Variants in FLOT1 observed in about 807,000 individuals in gnomAD.
FLOT1 encodes the protein flotillin 1.
FLOT1 carries 40 observed loss-of-function variants against 58.4 expected under a neutral mutation model. The observed-to-expected ratio is 0.69, with a 90% confidence interval of 0.53 to 0.89. The LOEUF (loss-of-function observed/expected upper bound fraction) is 0.89. Among genes scored for constraint, FLOT1 ranks in the 40% least tolerant of loss-of-function variants. The pLI, the probability that FLOT1 is intolerant of heterozygous loss-of-function variation, is 0.00. For synonymous variants in FLOT1, 178 were observed against 204.2 expected (o/e 0.87, Z 1.09); for missense variants, 423 against 540.8 (o/e 0.78, Z 2.16).
intron 8 of FLOT1, among the ~76,000 whole-genome samples, chr6:30,734,901 G>A (rs1297828907): frequency 6.6e-6 from 1 of 152,020 alleles, no homozygotes; most frequent in Admixed American, 6.6e-5. Context: ...TAGTAGAGAC[G>A]GGGTTTCACC....
rs945416342 is a variant in FLOT1 at position 30,742,329 on chromosome 6, C to T, written c.-14-126G>A. The T allele has an allele frequency of 1.8e-5, 14 of 770,430 alleles. No individual in the cohort carries two copies. The highest frequency in any genetic ancestry group is 2.9e-5 in the Non-Finnish European group (13 of 441,472). The allele number at this position is 770,430 out of a possible 1,614,324, so 47.7% of individuals were successfully genotyped here. A position where few individuals can be genotyped will look rare whatever the true frequency, so the allele number is the denominator to read the frequency against. ...CATCCGCCACGGCCCGTCCCTTCTA[C>T]ACCCATGGGTCCGCTAAGGCTTTTC... On this transcript the variant is annotated intron_variant, in intron 1 of 12. Coordinates refer to ENST00000376389, the MANE Select transcript of FLOT1 (RefSeq NM_005803.4). This position sits in a 1 kb window ranked among gnomAD's most constrained non-coding sequence, Gnocchi z 5.2.
intron 8 of FLOT1, among the ~76,000 whole-genome samples, chr6:30,733,324 C>T (rs1005775929): frequency 6.6e-6 from 1 of 152,212 alleles, no homozygotes; most frequent in African/African-American, 2.4e-5. Context: ...GCGTTAGCCA[C>T]TGCACCCGGC....
Position 30,742,516 on chromosome 6 carries a change from C to A in FLOT1, c.-15+11G>T. ...GGCAGCCCCAGGCTCCATCTCCCCT[C>A]CCCCACTCACCTTCCGGGACGCGGG... is the stretch of plus-strand genomic sequence containing the variant. On this transcript the variant is annotated intron_variant, in intron 1 of 12. Coordinates refer to ENST00000376389, the MANE Select transcript of FLOT1 (RefSeq NM_005803.4). This position sits in a 1 kb window ranked among gnomAD's most constrained non-coding sequence, Gnocchi z 5.2. 2.7e-6 allele frequency: 1 copy of A among 376,020 alleles called. No individual in the cohort carries two copies. The highest frequency in any genetic ancestry group is 4.9e-6 in the Non-Finnish European group (1 of 205,594). 23.3% of individuals were successfully genotyped at this position (376,020 alleles called of 1,614,324 possible).
rs749596091 is a variant in FLOT1 at position 30,740,745 on chromosome 6, G to C, written c.408C>G (p.Ser136=). The C allele has an allele frequency of 4.4e-5, 71 of 1,612,836 alleles. No individual in the cohort carries two copies. Among genetic ancestry groups the C allele is most frequent in the Non-Finnish European group, 5.3e-5 (63 of 1,180,022 alleles). Residue 136 remains serine (S), a synonymous_variant, in exon 6 of 13, where the codon TCC becomes TCG. Coordinates refer to ENST00000376389, the MANE Select transcript of FLOT1 (RefSeq NM_005803.4). The stretch of plus-strand genomic sequence containing the variant: ...TGATGCCCATGTTGACCAGGTCTGA[G>C]GAGGCCACTTTGAAAACCTGTTCTG... ...KFSEQVFKVA[S]SDLVNMGISV... is the part of the protein sequence containing the mutation.
At chr6:30,730,329 G>A in intron 11 of FLOT1, 99 bp downstream of exon 11, 1 of 1,491,232 alleles carries the variant, frequency 6.7e-7, no homozygotes, top group Non-Finnish European at 9.1e-7. Flanking sequence ...CTAATTTAGA[G>A]TCCCCCTAGG....
In FLOT1 at chr6:30,730,200, G is replaced by A; in HGVS notation, c.1090-14C>T. On this transcript the variant is annotated splice_polypyrimidine_tract_variant and intron_variant, in intron 11 of 12. Coordinates refer to ENST00000376389, the MANE Select transcript of FLOT1 (RefSeq NM_005803.4). ...CTCCTCTGCCACCTGGCAGGAGAGA[G>A]ACACCCACTCAGTGCCCATGATCTG... The A allele has an allele frequency of 6.2e-7, 1 of 1,612,730 alleles. No individual in the cohort carries two copies. The highest frequency in any genetic ancestry group is 1.7e-5 in the Admixed American group (1 of 59,998).
chr6:30,732,757 C>T (rs935361679), intron 8 of FLOT1, among the ~76,000 whole-genome samples: 1 of 152,246 alleles, frequency 6.6e-6, no homozygotes, highest in Non-Finnish European at 1.5e-5. Context: ...TACCTTCCCC[C>T]GGGCCCATCT....
intron 8 of FLOT1, 48 bp from the exon 9 acceptor site, chr6:30,731,148 G>A (rs746833213): frequency 3.3e-6 from 5 of 1,529,462 alleles, no homozygotes; most frequent in Non-Finnish European, 4.4e-6. Flanking sequence ...CAGAGGTGAA[G>A]AGCAAGTGCC....
chr6:30,729,074 G>A (rs1776961969), intron 12 of FLOT1, among the ~76,000 whole-genome samples: 1 of 147,800 alleles, frequency 6.8e-6, no homozygotes, highest in Non-Finnish European at 1.5e-5. Context: ...TACCGCGCCT[G>A]GAATTTTTTT....
chr6:30,729,223 C>T (rs975414182), intron 12 of FLOT1, among the ~76,000 whole-genome samples: 2 of 151,868 alleles, frequency 1.3e-5, no homozygotes, highest in African/African-American at 4.8e-5. Context: ...TACAGGCATG[C>T]ACCACCAAGC....
In FLOT1 at chr6:30,730,068, C is replaced by T. The variant is rs1345693189; in HGVS notation, c.1208G>A (p.Arg403His). 4 of 1,612,986 alleles carry T rather than the reference C, an allele frequency of 2.5e-6. No individual in the cohort carries two copies. Among genetic ancestry groups the T allele is most frequent in the African/African-American group, 1.3e-5 (1 of 75,008 alleles). ...VTGEVLDILT[R>H]LPESVERLTG... ...GAGTCTTTCCACACTCTCTGGCAGG[C>T]GAGTTAGAATGTCCAGTACTTCCCC... Residue 403 changes from arginine (R) to histidine (H), a missense_variant, in exon 12 of 13, where the codon CGC becomes CAC. Physicochemically the swap from Arg to His is conservative, Grantham distance 29. Around this residue, in one of 6 missense-constraint regions of FLOT1, gnomAD observed 44 missense variants for 40.3 expected, o/e 1.09. Coordinates refer to ENST00000376389, the MANE Select transcript of FLOT1 (RefSeq NM_005803.4).
At chr6:30,732,558 C>T (rs751305198) in intron 8 of FLOT1, among the ~76,000 whole-genome samples, 11 of 151,762 alleles carry the variant, frequency 7.2e-5, no homozygotes, top group Non-Finnish European at 1.2e-4. Context: ...TTCTATGTTG[C>T]CCAGGCTGAT....
At position 30,742,337 on chromosome 6, in the gene FLOT1, G is replaced by A; in HGVS notation, c.-14-134C>T. 1 of 719,198 alleles carries A rather than the reference G, an allele frequency of 1.4e-6. No individual in the cohort carries two copies. The highest frequency in any genetic ancestry group is 2.5e-6 in the Non-Finnish European group (1 of 406,050). 44.6% of individuals were successfully genotyped at this position (719,198 alleles called of 1,614,324 possible). A position where few individuals can be genotyped will look rare whatever the true frequency, so the allele number is the denominator to read the frequency against. On this transcript the variant is annotated intron_variant, in intron 1 of 12. Coordinates refer to ENST00000376389, the MANE Select transcript of FLOT1 (RefSeq NM_005803.4). This position sits in a 1 kb window ranked among gnomAD's most constrained non-coding sequence, Gnocchi z 5.2. ...ACGGCCCGTCCCTTCTACACCCATG[G>A]GTCCGCTAAGGCTTTTCCCTACAAA...
chr6:30,731,994 G>A (rs1777237905), intron 8 of FLOT1, among the ~76,000 whole-genome samples: 1 of 151,890 alleles, frequency 6.6e-6, no homozygotes, highest in African/African-American at 2.4e-5. Context: ...TTTTGAGGCA[G>A]TTTCGCTCTA....
At chr6:30,730,756 A>C (rs914633421) in intron 9 of FLOT1, 29 bp from the exon 10 acceptor site, 2 of 1,612,656 alleles carry the variant, frequency 1.2e-6, no homozygotes, top group South Asian at 1.1e-5. Flanking sequence ...TGGAGGGTGG[A>C]GCCCAGCAGC....
intron 11 of FLOT1, 107 bp from the exon 12 acceptor site, chr6:30,730,293 A>G: frequency 6.7e-7 from 1 of 1,499,876 alleles, no homozygotes. Flanking sequence ...ATCCTTCCTC[A>G]CTTTGGTCAC....
In FLOT1 at chr6:30,730,039, C is replaced by T; in HGVS notation, c.1237G>A (p.Gly413Ser). The change falls in exon 12 of 13, where the codon GGC becomes AGC. Residue 413 changes from glycine (G) to serine (S), a missense_variant. Physicochemically the swap from Gly to Ser is moderately conservative, Grantham distance 56 (BLOSUM62 0). This residue lies in a region of FLOT1 where 44 missense variants were observed against 40.3 expected (regional missense o/e 1.09). Coordinates refer to ENST00000376389, the MANE Select transcript of FLOT1 (RefSeq NM_005803.4). The part of the protein sequence containing the change: ...RLPESVERLT[G>S]VSISQVNHKP... ...GACCTCACCTGGGAGATGCTCACGC[C>T]TGTGAGTCTTTCCACACTCTCTGGC... 1 of 1,613,070 alleles carries T rather than the reference C, an allele frequency of 6.2e-7. No individual in the cohort carries two copies. Among genetic ancestry groups the T allele is most frequent in the South Asian group, 1.1e-5 (1 of 91,088 alleles).
intron 7 of FLOT1, 40 bp from the exon 8 acceptor site, chr6:30,740,350 G>A: frequency 6.2e-7 from 1 of 1,610,998 alleles, no homozygotes; most frequent in South Asian, 1.1e-5. Context: ...TCAGGGCAGG[G>A]GGAGAAAGGC....
chr6:30,742,029 G>A lies in FLOT1; in HGVS notation c.43+118C>T. 1 of 1,223,010 alleles carries A rather than the reference G, an allele frequency of 8.2e-7. No individual in the cohort carries two copies. The highest frequency in any genetic ancestry group is 1.2e-6 in the Non-Finnish European group (1 of 838,920). 75.8% of individuals were successfully genotyped at this position (1,223,010 alleles called of 1,614,324 possible). A position where few individuals can be genotyped will look rare whatever the true frequency, so the allele number is the denominator to read the frequency against. On this transcript the variant is annotated intron_variant, in intron 2 of 12. Coordinates refer to ENST00000376389, the MANE Select transcript of FLOT1 (RefSeq NM_005803.4). This position sits in a 1 kb window ranked among gnomAD's most constrained non-coding sequence, Gnocchi z 5.2. Reference sequence around the variant, plus strand: ...GTGGGAATCAAACTGGGCAGTTCGTGGCCATCAAGGGGCAGAAGTCTGGTG... The same window carrying A: ...GTGGGAATCAAACTGGGCAGTTCGTAGCCATCAAGGGGCAGAAGTCTGGTG...
Sources: gnomAD v4.1 joint callset for allele counts (sites outside exome capture counted in the v4.1 genomes callset) on GRCh38, gnomAD v4.1.1 for gene constraint, gnomAD v4.1.1 regional missense constraint, Gnocchi (gnomAD v3.1) non-coding constraint, MANE v1.5 for transcripts, NCBI Gene and HGNC (gene_info 2026-07-23, HGNC 2026-07-21) for gene names.